The following RTN4RL1 variants were observed in gnomAD, a reference collection of about 807,000 sequenced individuals.
The protein encoded by RTN4RL1 is reticulon 4 receptor like 1, also known as reticulon-4 receptor-like 1.
RTN4RL1 carries 7 observed loss-of-function variants against 25.6 expected under a neutral mutation model. That is an observed-to-expected ratio of 0.27 (90% confidence interval 0.16 to 0.51). RTN4RL1 has a LOEUF of 0.51. Ranked by LOEUF, RTN4RL1 falls within the 20% of genes least tolerant of loss-of-function variation. RTN4RL1 has a pLI of 0.97. For synonymous variants in RTN4RL1, 297 were observed against 288.2 expected, an observed-to-expected ratio of 1.03 and a Z score of -0.31; for missense variants, 500 against 615.6, an observed-to-expected ratio of 0.81 and a Z score of 1.99.
At chr17:1,955,666 C>T (rs1296264595) in intron 1 of RTN4RL1, among the ~76,000 whole-genome samples, 2 of 151,886 alleles carry the variant, frequency 1.3e-5, no homozygotes, top group Non-Finnish European at 2.9e-5. Flanking sequence ...TCACTGCAAC[C>T]TCCACCTCCC....
intron 1 of RTN4RL1, among the ~76,000 whole-genome samples, chr17:2,014,007 A>T (rs1185686706): frequency 6.6e-6 from 1 of 152,168 alleles, no homozygotes; most frequent in African/African-American, 2.4e-5. Flanking sequence ...ACTCTGTTTC[A>T]ACCTCTCACT....
chr17:1,939,916 C>T (rs1450477494), intron 1 of RTN4RL1, among the ~76,000 whole-genome samples: 1 of 152,238 alleles, frequency 6.6e-6, no homozygotes, highest in East Asian at 1.9e-4. Flanking sequence ...CCAGCCAGGC[C>T]TCATGGGAGA....
chr17:1,996,766 A>C (rs559044649), intron 1 of RTN4RL1, among the ~76,000 whole-genome samples: 1 of 152,274 alleles, frequency 6.6e-6, no homozygotes, highest in African/African-American at 2.4e-5. Flanking sequence ...AAACATGTCA[A>C]CATTTTCTAA....
rs954039761 is a variant in RTN4RL1, at chr17:1,994,199, G to T, written c.13+30654C>A. On this transcript the variant is annotated intron_variant, in intron 1 of 1. Coordinates refer to ENST00000331238, the MANE Select transcript of RTN4RL1 (RefSeq NM_178568.4). This position sits in a 1 kb window ranked among gnomAD's most constrained non-coding sequence, Gnocchi z 4.3. Reference sequence around the variant, plus strand: ...GTGTGCCCAGGTGGAATTCACAGGCGCTGGGAGCTTGAGGGGGAAGTGATG... The same window carrying T: ...GTGTGCCCAGGTGGAATTCACAGGCTCTGGGAGCTTGAGGGGGAAGTGATG... 6.6e-6 allele frequency among the ~76,000 whole-genome samples: 1 copy of T among 151,934 alleles called. No individual in the cohort carries two copies. The highest frequency in any genetic ancestry group is 1.5e-5 in the Non-Finnish European group (1 of 67,996).
At chr17:1,979,167 G>C (rs2066856213) in intron 1 of RTN4RL1, among the ~76,000 whole-genome samples, 1 of 152,250 alleles carries the variant, frequency 6.6e-6, no homozygotes, top group South Asian at 2.1e-4. Context: ...CAGTTATTCA[G>C]GAGGCTGAGG....
chr17:1,980,860 G>A (rs1320779025), intron 1 of RTN4RL1, among the ~76,000 whole-genome samples: 1 of 99,608 alleles, frequency 1.0e-5, no homozygotes, highest in African/African-American at 3.6e-5. Flanking sequence ...CCCAGGAGGT[G>A]GCAGTGCGGT....
At chr17:1,988,715 A>T (rs2066897665) in intron 1 of RTN4RL1, among the ~76,000 whole-genome samples, 1 of 152,030 alleles carries the variant, frequency 6.6e-6, no homozygotes, top group Non-Finnish European at 1.5e-5. Context: ...TAACTGGGGG[A>T]CCTGACCTCG....
intron 1 of RTN4RL1, among the ~76,000 whole-genome samples, chr17:1,978,453 T>C (rs996400238): frequency 7.9e-5 from 12 of 152,190 alleles, no homozygotes; most frequent in Admixed American, 3.3e-4. Flanking sequence ...TGGCCGACCG[T>C]CCGCAACAGC....
rs397809633 is a variant in RTN4RL1 at position 2,007,374 on chromosome 17, A to ACACT, written c.13+17478_13+17479insAGTG. 8.4e-3 allele frequency among the ~76,000 whole-genome samples: 1,202 copies of ACACT among 142,598 alleles called. 7 individuals are homozygous for ACACT. Among genetic ancestry groups the ACACT allele is most frequent in the Non-Finnish European group, 0.012 (775 of 64,946 alleles). The allele number at this position is 142,598 out of a possible 152,430, so 93.5% of individuals were successfully genotyped here. A position where few individuals can be genotyped will look rare whatever the true frequency, so the allele number is the denominator to read the frequency against. On this transcript the variant is annotated intron_variant, in intron 1 of 1. Transcript: ENST00000331238. ...CACACACACACACACACACACACAC[A>ACACT]CTCTTCCTCTCCAAATAATTGGATG...
chr17:1,982,071 G>A lies in RTN4RL1; in HGVS notation c.13+42782C>T, dbSNP rs371684727. Among the ~76,000 whole-genome samples, 1,354 of 152,232 alleles carry A rather than the reference G, an allele frequency of 8.9e-3. 6 individuals carry two copies. Among genetic ancestry groups the A allele is most frequent in the East Asian group, 0.018 (94 of 5,166 alleles). ...TCCCAGCACTTTGGGAGGCCGAGGC[G>A]GGTGGATCACCTGAGGTCAGGAGTT... On this transcript the variant is annotated intron_variant, in intron 1 of 1. Coordinates refer to ENST00000331238, the MANE Select transcript of RTN4RL1 (RefSeq NM_178568.4).
intron 1 of RTN4RL1, among the ~76,000 whole-genome samples, chr17:1,949,916 G>A (rs978153747): frequency 8.5e-5 from 13 of 152,266 alleles, no homozygotes; most frequent in Admixed American, 2.0e-4. Context: ...CTGAGGAACA[G>A]CATTCCAGGC....
At chr17:1,962,690 C>G (rs1194545018) in intron 1 of RTN4RL1, among the ~76,000 whole-genome samples, 1 of 151,722 alleles carries the variant, frequency 6.6e-6, no homozygotes, top group East Asian at 2.0e-4. Flanking sequence ...CATGGTGAAA[C>G]CTCGTCTCTA....
intron 1 of RTN4RL1, chr17:2,001,403 CCTG>C (rs2151322315): frequency 6.6e-6 from 1 of 152,254 alleles, no homozygotes; most frequent in Non-Finnish European, 1.5e-5. Context: ...GTCACCATGC[CCTG>C]CTAATTTCTT....
intron 1 of RTN4RL1, among the ~76,000 whole-genome samples, chr17:1,971,047 C>T (rs2066816469): frequency 6.6e-6 from 1 of 152,204 alleles, no homozygotes; most frequent in South Asian, 2.1e-4. Flanking sequence ...CCTCTTACCC[C>T]AAACATCCTG....
Position 1,937,300 on chromosome 17 carries a change from G to T in RTN4RL1, c.522C>A (p.Asn174Lys). ...LQDDIFVDLV[N>K]LSHLFLHGNK... ...TGCCGTGGAGAAACAGGTGGCTGAG[G>T]TTGACCAGGTCCACGAAGATGTCGT... The change falls in exon 2 of 2, where the codon AAC becomes AAA. Residue 174 changes from asparagine to lysine, a missense_variant. Transcript: ENST00000331238. The T allele has an allele frequency of 1.2e-6, 2 of 1,613,302 alleles. No homozygotes were observed. Among genetic ancestry groups the T allele is most frequent in the Non-Finnish European group, 1.7e-6 (2 of 1,179,882 alleles).
At chr17:2,021,755 A>G (rs1285328668) in intron 1 of RTN4RL1, among the ~76,000 whole-genome samples, 1 of 149,520 alleles carries the variant, frequency 6.7e-6, no homozygotes, top group Admixed American at 6.7e-5. Flanking sequence ...GGGTTTCACC[A>G]TGTTGGCCAG....
chr17:1,960,665 T>C (rs780392005), intron 1 of RTN4RL1, among the ~76,000 whole-genome samples: 16 of 152,170 alleles, frequency 1.1e-4, no homozygotes, highest in Non-Finnish European at 2.1e-4. Context: ...AACGTTTTCC[T>C]CACCCCAAAA....
In RTN4RL1 at chr17:1,952,901, A is replaced by AT. The variant is rs1555517473; in HGVS notation, c.14-15094_14-15093insA. 3.3e-5 allele frequency among the ~76,000 whole-genome samples: 5 copies of AT among 149,954 alleles called. No individual in the cohort carries two copies. In the East Asian group the frequency reaches 1.0e-3, roughly 31 times the overall value. On this transcript the variant is annotated intron_variant, in intron 1 of 1. Coordinates refer to ENST00000331238, the MANE Select transcript of RTN4RL1 (RefSeq NM_178568.4). ...AGACCAGCCTGGTCAACATGGTGAA[A>AT]CCCCATCTCTACTAAAAATGCAAAA...
intron 1 of RTN4RL1, among the ~76,000 whole-genome samples, chr17:1,987,819 C>T (rs1049120747): frequency 6.6e-6 from 1 of 151,958 alleles, no homozygotes; most frequent in Non-Finnish European, 1.5e-5. Flanking sequence ...ATAATTAAGC[C>T]CTCATGCTGG....
Sources: gnomAD v4.1 joint callset for allele counts (sites outside exome capture counted in the v4.1 genomes callset) on GRCh38, gnomAD v4.1.1 for gene constraint, Gnocchi (gnomAD v3.1) non-coding constraint, MANE v1.5 for transcripts, NCBI Gene and HGNC (gene_info 2026-07-23, HGNC 2026-07-21) for gene names.